SGCB: variants seen among roughly 807,000 people sequenced by gnomAD.
SGCB encodes beta-sarcoglycan.
SGCB carries 25 observed loss-of-function variants against 27.3 expected under a neutral mutation model. The observed-to-expected ratio is 0.92, with a 90% CI of 0.67 to 1.28. The LOEUF is 1.28. Ranked by LOEUF, SGCB falls within the 50% of genes most tolerant of loss-of-function variation. SGCB has a pLI of 0.00. For synonymous variants in SGCB, 147 were observed against 133.5 expected (o/e 1.10, Z -0.70); for missense variants, 436 against 402.1 (o/e 1.08, Z -0.72).
chr4:52,028,239 G>A (rs1737154146), intron 4 of SGCB, 140 bp from the exon 5 acceptor site: 2 of 680,338 alleles, frequency 2.9e-6, no homozygotes, highest in Admixed American at 5.4e-5. Flanking sequence ...TGTGGAAATT[G>A]AGATAAAGAT....
chr4:52,028,918 CA>C lies in SGCB; in HGVS notation c.432del (p.Ile144MetfsTer12). On this transcript the variant is annotated frameshift_variant and splice_region_variant, in exon 4 of 6. Coordinates refer to ENST00000381431, the MANE Select transcript of SGCB (RefSeq NM_000232.5). LOFTEE classifies it high-confidence loss of function. ...AGCTTTGTTGTCCCTTGCTGAAAAA[CA>C]ATCTTCAAAAAAAACAGTTTATTGT... ...NLVITGNNQP[I>X]VFQQGTTKLS... 1 of 1,611,290 alleles carries C rather than the reference CA, an allele frequency of 6.2e-7. No individual in the cohort carries two copies. The highest frequency in any genetic ancestry group is 1.7e-5 in the Admixed American group (1 of 59,960).
At position 52,022,165 on chromosome 4, in the gene SGCB, A is replaced by G. The variant is rs1357017327; in HGVS notation, c.*1792T>C. On this transcript the variant is annotated 3_prime_UTR_variant, in exon 6 of 6. Coordinates refer to ENST00000381431, the MANE Select transcript of SGCB (RefSeq NM_000232.5). ...ACTGCAATAACACTCAAGTGGTTAT[A>G]AATCTCATTCTTTTCATTTAAAAAC... 2.6e-5 allele frequency: 4 copies of G among 152,226 alleles called. No homozygotes were observed. The highest frequency in any genetic ancestry group is 5.9e-5 in the Non-Finnish European group (4 of 68,002). The allele number at this position is 152,226 out of a possible 1,614,324, so 9.4% of individuals were successfully genotyped here.
At position 52,023,420 on chromosome 4, in the gene SGCB, A is replaced by G; in HGVS notation, c.*537T>C. On this transcript the variant is annotated 3_prime_UTR_variant, in exon 6 of 6. Transcript: ENST00000381431. ...CAAAATATTTTCTTCCCAGTGCAAA[A>G]CTAAGGAACCATTGTTTCTATCTCA... 6.5e-6 allele frequency: 1 copy of G among 152,946 alleles called. No homozygotes were observed. Among genetic ancestry groups the G allele is most frequent in the East Asian group, 1.9e-4 (1 of 5,202 alleles). The allele number at this position is 152,946 out of a possible 1,614,324, so 9.5% of individuals were successfully genotyped here. A position where few individuals can be genotyped will look rare whatever the true frequency, so the allele number is the denominator to read the frequency against.
intron 2 of SGCB, 60 bp downstream of exon 2, chr4:52,033,371 T>C (rs1737299055): frequency 9.5e-7 from 1 of 1,051,340 alleles, no homozygotes; most frequent in African/African-American, 1.6e-5. Flanking sequence ...ATGATTTCAC[T>C]ATAAAGCAGA....
At chr4:52,024,569 C>T (rs910019201) in intron 5 of SGCB, among the ~76,000 whole-genome samples, 5 of 152,112 alleles carry the variant, frequency 3.3e-5, no homozygotes, top group Admixed American at 1.3e-4. Context: ...TGGCTCATGC[C>T]TGTAATCCCA....
rs1471031423 is a variant in SGCB at position 52,021,951 on chromosome 4, T to G, written c.*2006A>C. ...GAACTACATTTAATAAATAATATTT[T>G]GTAATACAGTGTTTTCTGGTTTTTA... On this transcript the variant is annotated 3_prime_UTR_variant, in exon 6 of 6. Coordinates refer to ENST00000381431, the MANE Select transcript of SGCB (RefSeq NM_000232.5). The G allele has an allele frequency of 6.6e-6, 1 of 152,202 alleles. No homozygotes were observed. Among genetic ancestry groups the G allele is most frequent in the African/African-American group, 2.4e-5 (1 of 41,460 alleles). The allele number at this position is 152,202 out of a possible 1,614,324, so 9.4% of individuals were successfully genotyped here. A position where few individuals can be genotyped will look rare whatever the true frequency, so the allele number is the denominator to read the frequency against.
Position 52,022,027 on chromosome 4 carries a change from T to C in SGCB, c.*1930A>G, listed in dbSNP as rs1736963956. On this transcript the variant is annotated 3_prime_UTR_variant, in exon 6 of 6. Transcript: ENST00000381431. ...TTAAAATAAATCTAAATAGAGCAGA[T>C]AAGTAATGAATATGCAATTTAATTT... 6.6e-6 allele frequency: 1 copy of C among 152,228 alleles called. No homozygotes were observed. Among genetic ancestry groups the C allele is most frequent in the African/African-American group, 2.4e-5 (1 of 41,464 alleles). The allele number at this position is 152,228 out of a possible 1,614,324, so 9.4% of individuals were successfully genotyped here.
rs2110209006 is a variant in SGCB, at chr4:52,023,103, A to C, written c.*854T>G. Reference sequence around the variant, plus strand: ...TACATCCAGGTTTGAGTCATGCCTGAATTCCAATCCCAACTCTGCTACTTA... The same window carrying C: ...TACATCCAGGTTTGAGTCATGCCTGCATTCCAATCCCAACTCTGCTACTTA... On this transcript the variant is annotated 3_prime_UTR_variant, in exon 6 of 6. Transcript: ENST00000381431. 6.6e-6 allele frequency: 1 copy of C among 152,308 alleles called. No individual in the cohort carries two copies. Among genetic ancestry groups the C allele is most frequent in the East Asian group, 1.9e-4 (1 of 5,180 alleles). The allele number at this position is 152,308 out of a possible 1,614,324, so 9.4% of individuals were successfully genotyped here.
Position 52,038,251 on chromosome 4 carries a change from T to C in SGCB, c.9A>G (p.Ala3=), listed in dbSNP as rs886043810. The stretch of plus-strand genomic sequence containing the variant: ...CCTGTTCTGCAGCCGCCGCCGCCGC[T>C]GCCGCCATCTTCCCGCGCCCGCCGC... MA[A]AAAAAAEQQS... The change falls in exon 1 of 6, where the codon GCA becomes GCG. Residue 3 remains alanine (A), a synonymous_variant. Coordinates refer to ENST00000381431, the MANE Select transcript of SGCB (RefSeq NM_000232.5). 1.5e-6 allele frequency: 2 copies of C among 1,295,738 alleles called. No individual in the cohort carries two copies. The highest frequency in any genetic ancestry group is 2.0e-6 in the Non-Finnish European group (2 of 1,018,514). 80.3% of individuals were successfully genotyped at this position (1,295,738 alleles called of 1,614,324 possible). A position where few individuals can be genotyped will look rare whatever the true frequency, so the allele number is the denominator to read the frequency against.
intron 1 of SGCB, among the ~76,000 whole-genome samples, chr4:52,036,417 T>C (rs760967025): frequency 6.6e-6 from 1 of 152,114 alleles, no homozygotes; most frequent in Admixed American, 6.5e-5. Flanking sequence ...ATAAATACCA[T>C]GACAAGAACA....
In SGCB at chr4:52,033,635, A is replaced by C; in HGVS notation, c.39T>G (p.Ser13Arg). The C allele has an allele frequency of 6.2e-7, 1 of 1,612,520 alleles. No individual in the cohort carries two copies. The highest frequency in any genetic ancestry group is 8.5e-7 in the Non-Finnish European group (1 of 1,178,640). The change falls in exon 2 of 6, where the codon AGT becomes AGG. Residue 13 changes from serine to arginine, a missense_variant. By Grantham distance (110) the Ser-to-Arg change is moderately radical (BLOSUM62 -1). Coordinates refer to ENST00000381431, the MANE Select transcript of SGCB (RefSeq NM_000232.5). ...AAAAAAAEQQSSNGPVKKSMR... is the reference protein window; with the variant it reads ...AAAAAAAEQQRSNGPVKKSMR... ...TGGACTTCTTTACAGGACCATTGGA[A>C]CTTTGCTAAAAATGAAATACAACAT... is the stretch of plus-strand genomic sequence containing the variant.
chr4:52,030,755 C>T (rs553039448), intron 2 of SGCB, among the ~76,000 whole-genome samples: 1 of 152,310 alleles, frequency 6.6e-6, no homozygotes, highest in African/African-American at 2.4e-5. Flanking sequence ...TTGTCTTTCT[C>T]TTCTGATAGA....
Position 52,038,265 on chromosome 4 carries a change from C to G in SGCB, c.-6G>C. 7.7e-7 allele frequency: 1 copy of G among 1,295,198 alleles called. No individual in the cohort carries two copies. The highest frequency in any genetic ancestry group is 3.3e-5 in the East Asian group (1 of 30,672). The allele number at this position is 1,295,198 out of a possible 1,614,324, so 80.2% of individuals were successfully genotyped here. ...GCCGCCGCCGCTGCCGCCATCTTCCCGCGCCCGCCGCCGCCGAGCTCCCCG... is the reference window on the plus strand; with the variant it reads ...GCCGCCGCCGCTGCCGCCATCTTCCGGCGCCCGCCGCCGCCGAGCTCCCCG... On this transcript the variant is annotated 5_prime_UTR_variant, in exon 1 of 6. Transcript: ENST00000381431.
Position 52,027,981 on chromosome 4 carries a change from A to T in SGCB, c.740T>A (p.Met247Lys). Residue 247 changes from methionine to lysine, a missense_variant, in exon 5 of 6, where the codon ATG becomes AAG. By Grantham distance (95) the Met-to-Lys change is moderately conservative. Transcript: ENST00000381431. ...AAGAATACTCACCGCCTTTAACTCCATATTACCACCCATGTGAAATTCAAT... is the reference window on the plus strand; with the variant it reads ...AAGAATACTCACCGCCTTTAACTCCTTATTACCACCCATGTGAAATTCAAT... ...KTIEFHMGGN[M>K]ELKAENSIIL... 7 of 1,613,906 alleles carry T rather than the reference A, an allele frequency of 4.3e-6. No individual in the cohort carries two copies. Among genetic ancestry groups the T allele is most frequent in the Non-Finnish European group, 5.1e-6 (6 of 1,179,860 alleles).
At chr4:52,031,947 C>G (rs1268574556) in intron 2 of SGCB, 1 of 456,058 alleles carries the variant, frequency 2.2e-6, no homozygotes, top group East Asian at 7.0e-5. Flanking sequence ...TGTCTCTTGC[C>G]TGGCTGCCAG....
intron 4 of SGCB, 68 bp from the exon 5 acceptor site, chr4:52,028,167 G>C: frequency 2.4e-6 from 3 of 1,273,066 alleles, no homozygotes; most frequent in East Asian, 4.7e-5. Context: ...ATCAGAGATA[G>C]AGAAATAGAA....
At chr4:52,034,739 G>A (rs1560569339) in intron 1 of SGCB, among the ~76,000 whole-genome samples, 1 of 152,132 alleles carries the variant, frequency 6.6e-6, no homozygotes, top group Non-Finnish European at 1.5e-5. Context: ...CCCTAGATCA[G>A]TAGTTTTCAA....
chr4:52,030,550 T>C (rs1278644458), intron 2 of SGCB, among the ~76,000 whole-genome samples: 1 of 152,236 alleles, frequency 6.6e-6, no homozygotes, highest in South Asian at 2.1e-4. Flanking sequence ...CCACTATTTC[T>C]GTAAAATCTC....
chr4:52,026,078 T>G (rs552206179), intron 5 of SGCB, among the ~76,000 whole-genome samples: 1 of 152,192 alleles, frequency 6.6e-6, no homozygotes, highest in African/African-American at 2.4e-5. Context: ...CAGAGGGTAT[T>G]TAAAGCAAAG....
Sources: gnomAD v4.1 joint callset for allele counts (sites outside exome capture counted in the v4.1 genomes callset) on GRCh38, gnomAD v4.1.1 for gene constraint, MANE v1.5 for transcripts, NCBI Gene and HGNC (gene_info 2026-07-23, HGNC 2026-07-21) for gene names.